AXIN1: variants seen among roughly 807,000 people sequenced by gnomAD.
AXIN1 encodes the protein axin 1, also known as axin-1.
Under a neutral mutation model 76.4 loss-of-function variants are expected in AXIN1, and 30 were observed. That is an observed-to-expected ratio of 0.39 (90% CI 0.29 to 0.53). AXIN1 has a LOEUF of 0.53. AXIN1 is among the 20% of genes least tolerant of loss of function. AXIN1 has a pLI of 0.66. For synonymous variants in AXIN1, 545 were observed against 501.4 expected, an observed-to-expected ratio of 1.09 and a Z score of -1.16; for missense variants, 1,140 against 1,198.8, an observed-to-expected ratio of 0.95 and a Z score of 0.72.
chr16:339,367 C>T (rs1471642335), intron 2 of AXIN1, among the ~76,000 whole-genome samples: 3 of 150,816 alleles, frequency 2.0e-5, no homozygotes, highest in East Asian at 3.9e-4. Flanking sequence ...AAAAATTAGC[C>T]GGGCGTGGTG....
At chr16:307,641 C>T (rs1486935639) in intron 4 of AXIN1, among the ~76,000 whole-genome samples, 1 of 152,238 alleles carries the variant, frequency 6.6e-6, no homozygotes, top group Non-Finnish European at 1.5e-5. Flanking sequence ...AAGGTGCACA[C>T]AGCCTGGGCC....
At chr16:299,093 G>C (rs2052798053) in intron 5 of AXIN1, 5 of 985,408 alleles carry the variant, frequency 5.1e-6, no homozygotes, top group Non-Finnish European at 4.8e-6. Flanking sequence ...GGAGAACCTT[G>C]TACAGAACGG....
chr16:289,858 T>G lies in AXIN1; in HGVS notation c.2295-251A>C, dbSNP rs1010696593. ...GCTGCCTCACAGCCCCACCCTCGACTGGCCAGGGCCTGGCTGCCAGGTGCA... is the reference window on the plus strand; with the variant it reads ...GCTGCCTCACAGCCCCACCCTCGACGGGCCAGGGCCTGGCTGCCAGGTGCA... On this transcript the variant is annotated intron_variant, in intron 9 of 10. Transcript: ENST00000262320. 2.4e-5 allele frequency: 14 copies of G among 575,806 alleles called. No individual in the cohort carries two copies. The Admixed American group carries it at 3.8e-4, about 16-fold the overall frequency. The allele number at this position is 575,806 out of a possible 1,614,324, so 35.7% of individuals were successfully genotyped here.
intron 1 of AXIN1, among the ~76,000 whole-genome samples, chr16:350,533 G>A (rs1310365000): frequency 6.6e-6 from 1 of 152,116 alleles, no homozygotes; most frequent in Non-Finnish European, 1.5e-5. Context: ...TACGTGTGTA[G>A]GTATTTATTT....
intron 2 of AXIN1, among the ~76,000 whole-genome samples, chr16:337,966 T>A (rs2053841460): frequency 6.6e-6 from 1 of 152,158 alleles, no homozygotes; most frequent in African/African-American, 2.4e-5. Context: ...AGCTAATGGG[T>A]TCTGAGAGAA....
In AXIN1 at chr16:293,649, G is replaced by A. The variant is rs775598518; in HGVS notation, c.2025C>T (p.Ala675=). 2.9e-5 allele frequency: 47 copies of A among 1,613,522 alleles called. No homozygotes were observed. Among genetic ancestry groups the A allele is most frequent in the Non-Finnish European group, 3.6e-5 (42 of 1,179,996 alleles). Residue 675 remains alanine (A), a synonymous_variant, in exon 8 of 11, where the codon GCC becomes GCT. Coordinates refer to ENST00000262320, the MANE Select transcript of AXIN1 (RefSeq NM_003502.4). The surrounding 1 kb of genome is among the most constrained non-coding windows in gnomAD (Gnocchi z 4.6). ...SRPLSLEHPW[A]GPQLRTSVQP... is the part of the protein sequence containing the mutation. The stretch of plus-strand genomic sequence containing the variant: ...GCACGGAGGTCCGGAGCTGAGGGCC[G>A]GCCCAGGGGTGCTCAAGGGACAAGG...
At chr16:347,193 G>T in intron 1 of AXIN1, 87 bp from the exon 2 acceptor site, 3 of 1,168,848 alleles carry the variant, frequency 2.6e-6, no homozygotes, top group Non-Finnish European at 3.6e-6. Context: ...GACTCACGAT[G>T]ACGCCCTCCC....
In AXIN1 at chr16:298,077, G is replaced by A. The variant is rs1185544639; in HGVS notation, c.1429C>T (p.Arg477Cys). The part of the protein sequence containing the change: ...PESILDEHVQ[R>C]VLRTPGRQSP... The stretch of plus-strand genomic sequence containing the variant: ...TGGCGGCCAGGTGTCCTCAGCACAC[G>A]CTGTACGTGCTCGTCCAGGATGCTC... Residue 477 changes from arginine (R) to cysteine (C), a missense_variant, in exon 6 of 11, where the codon CGT (arginine) becomes TGT (cysteine). Arg to Cys is a radical substitution (Grantham distance 180). This residue lies in a region of AXIN1 where 708 missense variants were observed against 776.9 expected (regional missense o/e 0.91). Transcript: ENST00000262320. 1.7e-5 allele frequency: 26 copies of A among 1,559,744 alleles called. No homozygotes were observed. Among genetic ancestry groups the A allele is most frequent in the East Asian group, 4.8e-5 (2 of 42,028 alleles).
chr16:335,823 T>C (rs758614829), intron 2 of AXIN1, among the ~76,000 whole-genome samples: 1 of 152,200 alleles, frequency 6.6e-6, no homozygotes, highest in Admixed American at 6.5e-5. Flanking sequence ...GAGAAGAATA[T>C]TCACAAGCAC....
At chr16:342,348 TC>T (rs2053944730) in intron 2 of AXIN1, among the ~76,000 whole-genome samples, 3 of 151,714 alleles carry the variant, frequency 2.0e-5, no homozygotes, top group South Asian at 4.2e-4. Flanking sequence ...GCGGCTTCAT[TC>T]TTGAAGTCAG....
chr16:313,018 A>C (rs995132149), intron 3 of AXIN1, among the ~76,000 whole-genome samples: 1 of 151,738 alleles, frequency 6.6e-6, no homozygotes, highest in East Asian at 1.9e-4. Context: ...CCACAAAAAT[A>C]ATCATCATCA....
At position 293,990 on chromosome 16, in the gene AXIN1, A is replaced by G. The variant is rs1163328155; in HGVS notation, c.1956-272T>C. On this transcript the variant is annotated intron_variant, in intron 7 of 10. Transcript: ENST00000262320. The surrounding 1 kb of genome is among the most constrained non-coding windows in gnomAD (Gnocchi z 4.6). ...GTCGGGAGTTCGAGATCAACCTAAC[A>G]TGGTGAAACCTCATCGCTACTAAAT... Among the ~76,000 whole-genome samples the G allele has an allele frequency of 8.6e-5, 13 of 151,960 alleles. No homozygotes were observed. Among genetic ancestry groups the G allele is most frequent in the African/African-American group, 3.1e-4 (13 of 41,378 alleles).
chr16:310,924 C>A (rs370170110), intron 3 of AXIN1, among the ~76,000 whole-genome samples: 2 of 152,238 alleles, frequency 1.3e-5, no homozygotes, highest in Admixed American at 1.3e-4. Flanking sequence ...CAGTGCCCCA[C>A]GGAAAGATAG....
In AXIN1 at chr16:309,293, C is replaced by CA. The variant is rs56239336; in HGVS notation, c.1116+679dup. Among the ~76,000 whole-genome samples the CA allele has an allele frequency of 1.8e-3, 261 of 146,238 alleles. 1 individual carries two copies. Among genetic ancestry groups the CA allele is most frequent in the East Asian group, 6.3e-3 (31 of 4,930 alleles). On this transcript the variant is annotated intron_variant, in intron 4 of 10. Coordinates refer to ENST00000262320, the MANE Select transcript of AXIN1 (RefSeq NM_003502.4). ...TGCAGTGACAGCAAAACTCCTATCT[C>CA]AAAAAAAAAAAAAGAAAACACTTTT... is the stretch of plus-strand genomic sequence containing the variant.
At chr16:297,668 G>A (rs2141507418) in intron 6 of AXIN1, 54 bp downstream of exon 6, 1 of 1,515,264 alleles carries the variant, frequency 6.6e-7, no homozygotes, top group Non-Finnish European at 8.8e-7. Flanking sequence ...CTGGCCTTCT[G>A]CAGGGACACA....
chr16:291,238 A>G lies in AXIN1; in HGVS notation c.2246T>C (p.Val749Ala), dbSNP rs1284943085. 1.9e-6 allele frequency: 3 copies of G among 1,586,830 alleles called. No individual in the cohort carries two copies. Among genetic ancestry groups the G allele is most frequent in the Non-Finnish European group, 2.6e-6 (3 of 1,167,716 alleles). ...CGACACGGCTGGTACCACGTGCAGC[A>G]CCGGCGCGCACGCTGGCCTGACGCA... ...RACVRPACAPVLHVVPAVSDM... is the reference protein window; with the variant it reads ...RACVRPACAPALHVVPAVSDM... Residue 749 changes from valine (V) to alanine (A), a missense_variant, in exon 9 of 11, where the codon GTG becomes GCG. Val to Ala is a moderately conservative substitution (Grantham distance 64, BLOSUM62 0). Around this residue, in one of 3 missense-constraint regions of AXIN1, gnomAD observed 429 missense variants for 405.8 expected, o/e 1.06. Coordinates refer to ENST00000262320, the MANE Select transcript of AXIN1 (RefSeq NM_003502.4).
At chr16:327,623 A>G (rs10903014) in intron 2 of AXIN1, among the ~76,000 whole-genome samples, 97,377 of 152,140 alleles carry the variant, frequency 0.64, 31,645 homozygotes, top group African/African-American at 0.72. Flanking sequence ...CAGGCGGGGC[A>G]GCCCTGGCAG....
At chr16:312,448 T>C (rs1393261271) in intron 3 of AXIN1, among the ~76,000 whole-genome samples, 2 of 152,344 alleles carry the variant, frequency 1.3e-5, no homozygotes, top group African/African-American at 4.8e-5. Context: ...AGGAGACTTT[T>C]TGAGAAAACT....
At chr16:334,607 C>T (rs2053765809) in intron 2 of AXIN1, among the ~76,000 whole-genome samples, 2 of 151,764 alleles carry the variant, frequency 1.3e-5, no homozygotes, top group East Asian at 1.9e-4. Context: ...CCATGGCACA[C>T]TGATAACACA....
Sources: allele counts gnomAD v4.1 joint callset (sites outside exome capture counted in the v4.1 genomes callset), GRCh38; gene constraint gnomAD v4.1.1; regional missense constraint gnomAD v4.1.1; non-coding constraint Gnocchi (gnomAD v3.1); transcripts MANE v1.5; gene names NCBI Gene and HGNC (gene_info 2026-07-23, HGNC 2026-07-21).